The following MICALL1 variants were observed in gnomAD, a reference collection of about 807,000 sequenced individuals.
MICALL1 encodes the protein MICAL-like protein 1.
Under a neutral mutation model 83.7 loss-of-function variants are expected in MICALL1, and 61 were observed. That is an observed-to-expected ratio of 0.73 (90% CI 0.59 to 0.90). The LOEUF is 0.90. MICALL1 is among the 40% of genes least tolerant of loss of function. MICALL1 has a pLI of 0.00. For synonymous variants in MICALL1, 481 were observed against 473.6 expected, an observed-to-expected ratio of 1.02 and a Z score of -0.20; for missense variants, 1,066 against 1,152.0, an observed-to-expected ratio of 0.93 and a Z score of 1.08.
chr22:37,917,168 G>A (rs898418047), intron 3 of MICALL1, among the ~76,000 whole-genome samples: 4 of 152,132 alleles, frequency 2.6e-5, no homozygotes, highest in Admixed American at 6.5e-5. Context: ...CACTGTGCCC[G>A]GCCTGAGGAG....
chr22:37,926,589 C>T (rs2145923788), intron 8 of MICALL1: 1 of 154,250 alleles, frequency 6.5e-6, no homozygotes, highest in South Asian at 2.0e-4. Context: ...CAGTGCTTCC[C>T]CCCTCACCCA....
intron 9 of MICALL1, among the ~76,000 whole-genome samples, chr22:37,931,492 C>T (rs1380917436): frequency 6.6e-6 from 1 of 152,180 alleles, no homozygotes; most frequent in Non-Finnish European, 1.5e-5. Context: ...GAGGCTGAGG[C>T]TGCAGTGCAG....
At chr22:37,926,092 G>A (rs573036817) in intron 8 of MICALL1, 49 bp downstream of exon 8, 58 of 1,530,184 alleles carry the variant, frequency 3.8e-5, no homozygotes, top group Non-Finnish European at 4.9e-5. Context: ...TCGGGGGTGG[G>A]GCCCGGGCCT....
rs1487400577 is a variant in MICALL1 at position 37,927,762 on chromosome 22, T to A, written c.1817T>A (p.Leu606Ter). 1 of 1,613,484 alleles carries A rather than the reference T, an allele frequency of 6.2e-7. No individual in the cohort carries two copies. The highest frequency in any genetic ancestry group is 8.5e-7 in the Non-Finnish European group (1 of 1,179,908). Residue 606 changes from leucine (L) to a stop codon, truncating the protein, a stop_gained, in exon 9 of 16, where the codon TTG becomes TAG. Transcript: ENST00000215957. LOFTEE classifies it high-confidence loss of function. ...PCSGATPTPL[L>*]LVGDRSPVPS... ...AGTGGCGCCACCCCAACGCCTCTCT[T>A]GTTGGTTGGAGACAGGAGCCCGGTG...
At chr22:37,908,394 G>A (rs1048376651) in intron 1 of MICALL1, among the ~76,000 whole-genome samples, 1 of 151,614 alleles carries the variant, frequency 6.6e-6, no homozygotes, top group Admixed American at 6.6e-5. Flanking sequence ...CCCACCTCCC[G>A]GGCTCAAGCA....
rs762890845 is a variant in MICALL1, at chr22:37,932,664, C to T, written c.2128C>T (p.Arg710Cys). The change falls in exon 11 of 16, where the codon CGT becomes TGT. Residue 710 changes from arginine to cysteine, a missense_variant. Transcript: ENST00000215957. This position sits in a 1 kb window ranked among gnomAD's most constrained non-coding sequence, Gnocchi z 4.4. ...TGGGGTGCTGCTGGAGGAGAAGCTG[C>T]GTGGCGGCCTGAATGGTGCGGGAGC... ...HRGVLLEEKLRGGLNEGREDD... is the reference protein window; with the variant it reads ...HRGVLLEEKLCGGLNEGREDD... 6.8e-6 allele frequency: 11 copies of T among 1,613,812 alleles called. No individual in the cohort carries two copies. The highest frequency in any genetic ancestry group is 1.6e-4 in the Middle Eastern group (1 of 6,076).
Position 37,940,896 on chromosome 22 carries a change from AG to A in MICALL1, c.*71del, listed in dbSNP as rs1195432217. The A allele has an allele frequency of 2.3e-5, 36 of 1,597,448 alleles. No homozygotes were observed. In the Admixed American group the frequency reaches 5.1e-4, roughly 23 times the overall value. On this transcript the variant is annotated 3_prime_UTR_variant, in exon 16 of 16. Coordinates refer to ENST00000215957, the MANE Select transcript of MICALL1 (RefSeq NM_033386.4). Reference sequence around the variant, plus strand: ...AGCTCCTGGGCTGTGCTCTGTTTGAAGGGGGCGCCCTGCTCCCCTCAGATCA... The same window carrying A: ...AGCTCCTGGGCTGTGCTCTGTTTGAAGGGGCGCCCTGCTCCCCTCAGATCA...
At chr22:37,912,707 C>T (rs1392873366) in intron 3 of MICALL1, among the ~76,000 whole-genome samples, 1 of 151,564 alleles carries the variant, frequency 6.6e-6, no homozygotes, top group Non-Finnish European at 1.5e-5. Context: ...TGCCCTGTCA[C>T]CCAGGCTGGA....
rs143329990 is a variant in MICALL1, at chr22:37,926,576, G to A, written c.1465+533G>A. On this transcript the variant is annotated intron_variant, in intron 8 of 15. Coordinates refer to ENST00000215957, the MANE Select transcript of MICALL1 (RefSeq NM_033386.4). Reference sequence around the variant, plus strand: ...AGCTCCAGGCTGCTGGGCCTCCTCCGCCCAGTGCTTCCCCCCTCACCCAGG... The same window carrying A: ...AGCTCCAGGCTGCTGGGCCTCCTCCACCCAGTGCTTCCCCCCTCACCCAGG... 6.9e-3 allele frequency: 1,057 copies of A among 153,316 alleles called. 21 individuals are homozygous for A. The highest frequency in any genetic ancestry group is 0.024 in the African/African-American group (1,018 of 41,570). 9.5% of individuals were successfully genotyped at this position (153,316 alleles called of 1,614,324 possible). A position where few individuals can be genotyped will look rare whatever the true frequency, so the allele number is the denominator to read the frequency against.
rs3026630 is a variant in MICALL1, at chr22:37,934,010, C to G, written c.2308+898C>G. ...AGGGGAAGCCACAGAATGTCCCAGG[C>G]TTCCACTGCCTTGTGTGAGTCACTC... On this transcript the variant is annotated intron_variant, in intron 13 of 15. Transcript: ENST00000215957. Among the ~76,000 whole-genome samples the G allele has an allele frequency of 3.6e-3, 541 of 152,338 alleles. 3 individuals carry two copies. The highest frequency in any genetic ancestry group is 0.012 in the African/African-American group (495 of 41,588).
chr22:37,917,866 C>A, intron 4 of MICALL1, 71 bp downstream of exon 4: 1 of 1,321,608 alleles, frequency 7.6e-7, no homozygotes, highest in Non-Finnish European at 1.1e-6. Context: ...ACTATCATTG[C>A]AGTGACTGGG....
chr22:37,911,999 TG>T lies in MICALL1; in HGVS notation c.195+1del. The T allele has an allele frequency of 6.2e-7, 1 of 1,614,154 alleles. No homozygotes were observed. The highest frequency in any genetic ancestry group is 8.5e-7 in the Non-Finnish European group (1 of 1,180,008). ...GACAATGTCTTCGAGAATAACCGTT[TG>T]GTAAGTTCCCGGACAGGTGGAAGCC... Reference protein sequence around the residue: ...SKDNVFENNRLAFEVAEKELG... With the variant: ...SKDNVFENNRXAFEVAEKELG... On this transcript the variant is annotated frameshift_variant and splice_region_variant, in exon 2 of 16. Transcript: ENST00000215957. LOFTEE classifies it high-confidence loss of function.
At chr22:37,921,543 A>G (rs1368681845) in intron 5 of MICALL1, among the ~76,000 whole-genome samples, 2 of 152,242 alleles carry the variant, frequency 1.3e-5, no homozygotes, top group Non-Finnish European at 2.9e-5. Context: ...ATTGCACTCC[A>G]GCCTGGACAA....
chr22:37,918,917 G>A (rs767439181), intron 4 of MICALL1, 119 bp from the exon 5 acceptor site: 28 of 1,255,472 alleles, frequency 2.2e-5, no homozygotes, highest in African/African-American at 1.7e-4. Context: ...TTTCCACCAC[G>A]AAGCCTGGTG....
intron 9 of MICALL1, among the ~76,000 whole-genome samples, chr22:37,929,890 G>A (rs1282235534): frequency 1.3e-5 from 2 of 152,218 alleles, no homozygotes; most frequent in Non-Finnish European, 2.9e-5. Context: ...CTCAGGCATC[G>A]TTGAACCTTC....
At position 37,930,705 on chromosome 22, in the gene MICALL1, G is replaced by A. The variant is rs922476618; in HGVS notation, c.1882-1094G>A. 3.9e-5 allele frequency among the ~76,000 whole-genome samples: 6 copies of A among 152,196 alleles called. No individual in the cohort carries two copies. The highest frequency in any genetic ancestry group is 7.3e-5 in the Non-Finnish European group (5 of 68,040). Reference sequence around the variant, plus strand: ...GGCCTGTGCTGGCCTCAGAGAGGGCGGGGGTCTCCCCAGAGGCACGGAAGG... The same window carrying A: ...GGCCTGTGCTGGCCTCAGAGAGGGCAGGGGTCTCCCCAGAGGCACGGAAGG... On this transcript the variant is annotated intron_variant, in intron 9 of 15. Coordinates refer to ENST00000215957, the MANE Select transcript of MICALL1 (RefSeq NM_033386.4). This position sits in a 1 kb window ranked among gnomAD's most constrained non-coding sequence, Gnocchi z 4.8.
intron 1 of MICALL1, among the ~76,000 whole-genome samples, chr22:37,907,816 TGTAGGTGG>T (rs1928062836): frequency 6.6e-6 from 1 of 152,184 alleles, no homozygotes; most frequent in Non-Finnish European, 1.5e-5. Flanking sequence ...GAGGTGGTCA[TGTAGGTGG>T]GCCCCTGCCC....
At position 37,924,782 on chromosome 22, in the gene MICALL1, G is replaced by T; in HGVS notation, c.1082+65G>T. ...CTGGTGGTGGGAATCAGGGTACTCT[G>T]GGGCCGGGTAGGGAGAGAGGCTTCC... is the stretch of plus-strand genomic sequence containing the variant. On this transcript the variant is annotated intron_variant, in intron 7 of 15. Transcript: ENST00000215957. This position sits in a 1 kb window ranked among gnomAD's most constrained non-coding sequence, Gnocchi z 5.2. 6.4e-7 allele frequency: 1 copy of T among 1,553,120 alleles called. No individual in the cohort carries two copies. The highest frequency in any genetic ancestry group is 1.1e-5 in the South Asian group (1 of 87,598).
intron 1 of MICALL1, among the ~76,000 whole-genome samples, chr22:37,908,958 C>T (rs976769041): frequency 2.6e-5 from 4 of 152,072 alleles, no homozygotes; most frequent in African/African-American, 4.8e-5. Flanking sequence ...CACAAGGTAG[C>T]GAGTTGGGAG....
Sources: gnomAD v4.1 joint callset for allele counts (sites outside exome capture counted in the v4.1 genomes callset) on GRCh38, gnomAD v4.1.1 for gene constraint, Gnocchi (gnomAD v3.1) non-coding constraint, MANE v1.5 for transcripts, NCBI Gene and HGNC (gene_info 2026-07-23, HGNC 2026-07-21) for gene names.